The following FANCC variants were observed in gnomAD, a reference collection of about 807,000 sequenced individuals.
FANCC encodes FA complementation group C, also known as Fanconi anemia group C protein.
A neutral mutation model predicts 71.3 loss-of-function variants in FANCC; 55 were observed. The observed-to-expected ratio is 0.77, with a 90% CI of 0.62 to 0.97. The LOEUF is 0.97. FANCC is among the 50% of genes least tolerant of loss of function. The pLI is 0.00. For missense variants in FANCC, 678 were observed against 670.9 expected (o/e 1.01, Z -0.12); for synonymous variants, 275 against 244.9 (o/e 1.12, Z -1.15).
chr9:95,118,270 C>T (rs967311825), intron 10 of FANCC, among the ~76,000 whole-genome samples: 1 of 152,188 alleles, frequency 6.6e-6, no homozygotes, highest in Non-Finnish European at 1.5e-5. Flanking sequence ...CCACCTGCCT[C>T]GGCCTCCCAA....
intron 4 of FANCC, among the ~76,000 whole-genome samples, chr9:95,212,044 T>G (rs781130609): frequency 6.6e-6 from 1 of 151,934 alleles, no homozygotes; most frequent in Non-Finnish European, 1.5e-5. Context: ...CTTAAAGACA[T>G]AGCAATAAAA....
intron 7 of FANCC, among the ~76,000 whole-genome samples, chr9:95,149,037 T>G (rs1156903559): frequency 6.6e-6 from 1 of 152,034 alleles, no homozygotes; most frequent in African/African-American, 2.4e-5. Context: ...AAATGAGACT[T>G]GCAAAAATGT....
chr9:95,139,864 T>TTTTATATATATATATAAA (rs1828361545), intron 7 of FANCC, among the ~76,000 whole-genome samples: 1 of 147,290 alleles, frequency 6.8e-6, no homozygotes, highest in African/African-American at 2.5e-5. Flanking sequence ...ATATATATAT[T>TTTTATATATATATATAAA]CATTCATTCT....
chr9:95,122,167 C>G (rs1462954904), intron 10 of FANCC, among the ~76,000 whole-genome samples: 1 of 152,058 alleles, frequency 6.6e-6, no homozygotes, highest in African/African-American at 2.4e-5. Context: ...ACATAAAATT[C>G]AAACCAGAGG....
At chr9:95,118,566 C>T (rs182487103) in intron 10 of FANCC, among the ~76,000 whole-genome samples, 39 of 152,356 alleles carry the variant, frequency 2.6e-4, no homozygotes, top group African/African-American at 9.1e-4. Context: ...CAATTCTTAA[C>T]AATCATTCCC....
chr9:95,125,325 T>C, intron 9 of FANCC, 140 bp from the exon 10 acceptor site: 1 of 720,760 alleles, frequency 1.4e-6, no homozygotes, highest in Non-Finnish European at 2.5e-6. Flanking sequence ...CAGATTTCAG[T>C]CCTTGTGTGA....
At chr9:95,245,180 G>A (rs1460392344) in intron 3 of FANCC, among the ~76,000 whole-genome samples, 1 of 152,100 alleles carries the variant, frequency 6.6e-6, no homozygotes, top group Non-Finnish European at 1.5e-5. Flanking sequence ...TTCAAATGAA[G>A]GTCATTCAAC....
intron 2 of FANCC, among the ~76,000 whole-genome samples, chr9:95,247,791 C>G (rs949967583): frequency 6.6e-6 from 1 of 152,158 alleles, no homozygotes; most frequent in Non-Finnish European, 1.5e-5. Flanking sequence ...TCTACTCATA[C>G]TTAATAGTCA....
At chr9:95,168,756 T>C (rs1825471124) in intron 6 of FANCC, among the ~76,000 whole-genome samples, 3 of 152,218 alleles carry the variant, frequency 2.0e-5, no homozygotes, top group Non-Finnish European at 4.4e-5. Context: ...CTTGAACTCC[T>C]GAAATCGGGT....
intron 7 of FANCC, among the ~76,000 whole-genome samples, chr9:95,147,845 T>G (rs1829767199): frequency 6.6e-6 from 1 of 152,170 alleles, no homozygotes; most frequent in African/African-American, 2.4e-5. Context: ...TACAATAGAA[T>G]CTCTGGACTT....
chr9:95,222,001 G>A (rs1829302279), intron 4 of FANCC, among the ~76,000 whole-genome samples: 1 of 151,758 alleles, frequency 6.6e-6, no homozygotes, highest in Non-Finnish European at 1.5e-5. Flanking sequence ...TTATCCAAGG[G>A]AAATGAAAAT....
chr9:95,271,696 A>T (rs1832730889), intron 1 of FANCC, among the ~76,000 whole-genome samples: 2 of 152,190 alleles, frequency 1.3e-5, no homozygotes, highest in Admixed American at 1.3e-4. Context: ...AAATTACAAA[A>T]AGGGAAGCAA....
intron 1 of FANCC, among the ~76,000 whole-genome samples, chr9:95,262,507 C>G (rs1336586275): frequency 6.6e-6 from 1 of 152,188 alleles, no homozygotes; most frequent in Non-Finnish European, 1.5e-5. Flanking sequence ...AACCAGAACT[C>G]TCGTGCACTG....
intron 8 of FANCC, among the ~76,000 whole-genome samples, chr9:95,132,701 T>C (rs539661180): frequency 3.3e-5 from 5 of 152,158 alleles, no homozygotes; most frequent in African/African-American, 9.7e-5. Context: ...AATACATACA[T>C]AGTCATTTGG....
intron 6 of FANCC, 136 bp downstream of exon 6, chr9:95,170,943 C>T (rs1474260770): frequency 2.8e-6 from 2 of 713,966 alleles, no homozygotes; most frequent in Non-Finnish European, 5.0e-6. Context: ...GCTATGTATT[C>T]CACTAAAATA....
At chr9:95,279,863 G>A (rs1251966865) in intron 1 of FANCC, among the ~76,000 whole-genome samples, 1 of 149,144 alleles carries the variant, frequency 6.7e-6, no homozygotes, top group Non-Finnish European at 1.5e-5. Context: ...CAGGAGAATC[G>A]CTTGAACCTG....
chr9:95,109,321 T>C (rs2071721046), intron 13 of FANCC, among the ~76,000 whole-genome samples: 1 of 152,196 alleles, frequency 6.6e-6, no homozygotes, highest in Non-Finnish European at 1.5e-5. Context: ...CATTTCCCAT[T>C]GTTGTATTTA....
chr9:95,302,588 T>C (rs1834814502), intron 1 of FANCC, among the ~76,000 whole-genome samples: 1 of 152,220 alleles, frequency 6.6e-6, no homozygotes, highest in Non-Finnish European at 1.5e-5. Flanking sequence ...CCGCTTTCAG[T>C]GACCTGCCTT....
rs1438117409 is a variant in FANCC, at chr9:95,171,129, T to C, written c.471A>G (p.Leu157=). 1 of 1,613,384 alleles carries C rather than the reference T, an allele frequency of 6.2e-7. No individual in the cohort carries two copies. The highest frequency in any genetic ancestry group is 1.7e-5 in the Admixed American group (1 of 60,016). ...GATGATTCTCTCTGAGTTCAGACGC[T>C]AATGATAAAACCATCTGTAAAACAA... is the stretch of plus-strand genomic sequence containing the variant. The part of the protein sequence containing the change: ...PGLLKNMVLS[L]ASELRENHLN... The change falls in exon 6 of 15, where the codon TTA becomes TTG. Residue 157 remains leucine (L), a synonymous_variant. Transcript: ENST00000289081.
Sources: allele counts gnomAD v4.1 joint callset (sites outside exome capture counted in the v4.1 genomes callset), GRCh38; gene constraint gnomAD v4.1.1; transcripts MANE v1.5; gene names NCBI Gene and HGNC (gene_info 2026-07-23, HGNC 2026-07-21).